The following ASIC2 variants were observed in gnomAD, a reference collection of about 807,000 sequenced individuals.
ASIC2 encodes acid sensing ion channel subunit 2.
Under a neutral mutation model 57.3 loss-of-function variants are expected in ASIC2, and 25 were observed. The ratio of observed to expected loss-of-function variants is 0.44; its 90% CI spans 0.32 to 0.61. The LOEUF (loss-of-function observed/expected upper bound fraction) is 0.61. Among genes scored for constraint, ASIC2 ranks in the 20% least tolerant of loss-of-function variants. The pLI is 0.06. For synonymous variants in ASIC2, 319 were observed against 307.5 expected (o/e 1.04, Z -0.39); for missense variants, 641 against 738.1 (o/e 0.87, Z 1.52).
At chr17:33,912,527 A>T (rs186145631) in intron 1 of ASIC2, among the ~76,000 whole-genome samples, 2 of 151,962 alleles carry the variant, frequency 1.3e-5, no homozygotes, top group African/African-American at 4.8e-5. Context: ...AAAATAGTAA[A>T]TCTTTATAGG....
intron 1 of ASIC2, among the ~76,000 whole-genome samples, chr17:33,719,667 G>A (rs1346642366): frequency 6.6e-6 from 1 of 152,210 alleles, no homozygotes; most frequent in Non-Finnish European, 1.5e-5. Context: ...CTTTGAAGTT[G>A]GATTTAGCTA....
At chr17:33,473,565 T>G (rs1485588638) in intron 1 of ASIC2, among the ~76,000 whole-genome samples, 1 of 152,122 alleles carries the variant, frequency 6.6e-6, no homozygotes, top group African/African-American at 2.4e-5. Context: ...AGTTAGGAAG[T>G]AGATCAGATT....
chr17:33,598,641 G>T (rs773809467), intron 1 of ASIC2, among the ~76,000 whole-genome samples: 9 of 152,168 alleles, frequency 5.9e-5, no homozygotes, highest in Non-Finnish European at 1.0e-4. Context: ...TCAGTCATCT[G>T]GTTCCTCTTT....
rs548954261 is a variant in ASIC2 at position 33,863,820 on chromosome 17, G to T, written c.555+292158C>A. ...AACAAATCTTGGGCACAGAGCCTTG[G>T]CAGACAACAAAAATCTAGCTATAAG... On this transcript the variant is annotated intron_variant, in intron 1 of 9. Transcript: ENST00000359872. Among the ~76,000 whole-genome samples, 5 of 152,008 alleles carry T rather than the reference G, an allele frequency of 3.3e-5. No individual in the cohort carries two copies. In the South Asian group the frequency reaches 1.0e-3, roughly 32 times the overall value.
At chr17:33,672,483 A>AT (rs1353003567) in intron 1 of ASIC2, among the ~76,000 whole-genome samples, 1 of 151,406 alleles carries the variant, frequency 6.6e-6, no homozygotes, top group Admixed American at 6.6e-5. Flanking sequence ...CATGTCTGAG[A>AT]TTTTTTGCAA....
intron 1 of ASIC2, among the ~76,000 whole-genome samples, chr17:33,890,057 A>G (rs994210348): frequency 5.3e-5 from 8 of 152,216 alleles, no homozygotes; most frequent in Non-Finnish European, 1.2e-4. Context: ...ACTGTTCAAT[A>G]TGGTAGCCAC....
At chr17:34,119,614 C>CACAG (rs1158883803) in intron 1 of ASIC2, among the ~76,000 whole-genome samples, 1 of 25,738 alleles carries the variant, frequency 3.9e-5, no homozygotes, top group African/African-American at 5.7e-5. Flanking sequence ...TCTACACAGA[C>CACAG]ACACACACAC....
intron 1 of ASIC2, among the ~76,000 whole-genome samples, chr17:33,189,153 G>A (rs556053385): frequency 3.0e-4 from 45 of 152,232 alleles, no homozygotes; most frequent in South Asian, 2.3e-3. Context: ...GTGTGGATGG[G>A]TATTACCCAC....
intron 1 of ASIC2, among the ~76,000 whole-genome samples, chr17:33,212,451 A>G (rs887107063): frequency 6.6e-6 from 1 of 152,222 alleles, no homozygotes; most frequent in Non-Finnish European, 1.5e-5. Flanking sequence ...GAGCCTTCAG[A>G]AGGGGCCAGC....
chr17:33,722,669 A>T (rs1279937063), intron 1 of ASIC2, among the ~76,000 whole-genome samples: 1 of 152,072 alleles, frequency 6.6e-6, no homozygotes, highest in African/African-American at 2.4e-5. Context: ...AGGCTGACAC[A>T]GGAGGATCCT....
At chr17:33,073,771 G>A (rs1225453106) in intron 3 of ASIC2, among the ~76,000 whole-genome samples, 1 of 152,200 alleles carries the variant, frequency 6.6e-6, no homozygotes, top group East Asian at 1.9e-4. Flanking sequence ...TGGACAAACT[G>A]GGCTAGAGAT....
intron 5 of ASIC2, 121 bp from the exon 6 acceptor site, chr17:33,024,135 G>T: frequency 3.8e-6 from 5 of 1,320,056 alleles, no homozygotes; most frequent in Non-Finnish European, 4.2e-6. Context: ...TCTGGGGAAA[G>T]TGAGGGGCAG....
intron 1 of ASIC2, among the ~76,000 whole-genome samples, chr17:33,243,154 G>C (rs319754): frequency 0.098 from 14,937 of 152,260 alleles, 757 homozygotes; most frequent in Middle Eastern, 0.16. Flanking sequence ...AGAGGATGAA[G>C]TTGTACATTG....
chr17:34,055,840 C>A (rs1182509355), intron 1 of ASIC2, among the ~76,000 whole-genome samples: 1 of 152,136 alleles, frequency 6.6e-6, no homozygotes, highest in Non-Finnish European at 1.5e-5. Flanking sequence ...GAATGTTGTA[C>A]AATTATTGCT....
At chr17:33,789,077 T>C (rs1911690804) in intron 1 of ASIC2, among the ~76,000 whole-genome samples, 1 of 152,200 alleles carries the variant, frequency 6.6e-6, no homozygotes, top group Non-Finnish European at 1.5e-5. Flanking sequence ...CTGGCTGCTC[T>C]TGCAGTGTAA....
chr17:33,183,668 T>G (rs1906074040), intron 1 of ASIC2, among the ~76,000 whole-genome samples: 1 of 152,226 alleles, frequency 6.6e-6, no homozygotes, highest in African/African-American at 2.4e-5. Context: ...TAAAAAGCAC[T>G]TATTGTATTC....
intron 5 of ASIC2, 114 bp downstream of exon 5, chr17:33,025,812 C>G (rs2091856691): frequency 2.9e-6 from 3 of 1,050,046 alleles, no homozygotes; most frequent in Non-Finnish European, 4.0e-6. Flanking sequence ...CCTTTCTTCT[C>G]ATCCTCTCTC....
At chr17:33,314,721 T>C (rs1906571710) in intron 1 of ASIC2, among the ~76,000 whole-genome samples, 1 of 152,218 alleles carries the variant, frequency 6.6e-6, no homozygotes, top group Admixed American at 6.5e-5. Context: ...CTCTGACACA[T>C]CCTTCACTCT....
At chr17:33,455,722 A>G (rs1912426158) in intron 1 of ASIC2, among the ~76,000 whole-genome samples, 2 of 152,230 alleles carry the variant, frequency 1.3e-5, no homozygotes, top group Admixed American at 1.3e-4. Context: ...CCCAAAGGCT[A>G]AAGAACAGTG....
Sources: allele counts gnomAD v4.1 joint callset (sites outside exome capture counted in the v4.1 genomes callset), GRCh38; gene constraint gnomAD v4.1.1; transcripts MANE v1.5; gene names NCBI Gene and HGNC (gene_info 2026-07-23, HGNC 2026-07-21).